USP45: variants seen among roughly 807,000 people sequenced by gnomAD.
USP45 encodes ubiquitin carboxyl-terminal hydrolase 45.
USP45 carries 89 observed loss-of-function variants against 95.8 expected under a neutral mutation model. That is an observed-to-expected ratio of 0.93 (90% CI 0.78 to 1.11). The LOEUF (loss-of-function observed/expected upper bound fraction) is 1.11. Ranked by LOEUF, USP45 falls within the 50% of genes least tolerant of loss-of-function variation. USP45 has a pLI of 0.00. For missense variants in USP45, 898 were observed against 942.5 expected (o/e 0.95, Z 0.62); for synonymous variants, 281 against 316.2 (o/e 0.89, Z 1.18).
chr6:99,469,487 T>TATATAATATATATATATA (rs1491589320), intron 9 of USP45, among the ~76,000 whole-genome samples: 1 of 3,888 alleles, frequency 2.6e-4, no homozygotes, highest in Non-Finnish European at 4.3e-4. Context: ...TATATATATA[T>TATATAATATATATATATA]TTTTTTTTTT....
At chr6:99,452,268 G>A (rs532907237) in intron 13 of USP45, among the ~76,000 whole-genome samples, 2 of 152,178 alleles carry the variant, frequency 1.3e-5, no homozygotes, top group South Asian at 2.1e-4. Flanking sequence ...AGAAAATTTT[G>A]CAACCTACTC....
At chr6:99,501,848 G>A in intron 5 of USP45, 2 of 1,181,160 alleles carry the variant, frequency 1.7e-6, no homozygotes, top group Non-Finnish European at 2.2e-6. Context: ...CAGGTTCCTG[G>A]GAAGTACCCT....
intron 13 of USP45, among the ~76,000 whole-genome samples, chr6:99,457,382 G>A (rs547106818): frequency 1.3e-4 from 20 of 152,168 alleles, no homozygotes; most frequent in African/African-American, 3.9e-4. Flanking sequence ...TCCCCTGGAC[G>A]CCCAGCTTTA....
At chr6:99,477,002 A>G (rs538639544) in intron 8 of USP45, among the ~76,000 whole-genome samples, 3 of 152,334 alleles carry the variant, frequency 2.0e-5, no homozygotes, top group Admixed American at 2.0e-4. Context: ...CTATGCTAAA[A>G]TGAACATTTT....
intron 5 of USP45, among the ~76,000 whole-genome samples, chr6:99,494,218 TTACTC>T (rs1164347589): frequency 6.6e-6 from 1 of 152,196 alleles, no homozygotes; most frequent in Non-Finnish European, 1.5e-5. Flanking sequence ...GCAATTTAAT[TTACTC>T]TACTTATCAC....
chr6:99,509,645 A>T (rs1799332124), intron 2 of USP45, among the ~76,000 whole-genome samples: 1 of 149,660 alleles, frequency 6.7e-6, no homozygotes, highest in Non-Finnish European at 1.5e-5. Flanking sequence ...TGAGAAAGAG[A>T]CCAAAAAAAA....
At chr6:99,458,800 G>A (rs1410080642) in intron 13 of USP45, among the ~76,000 whole-genome samples, 2 of 152,186 alleles carry the variant, frequency 1.3e-5, no homozygotes, top group Non-Finnish European at 2.9e-5. Context: ...GCTACAGGAG[G>A]AGAATGGGAC....
At chr6:99,485,778 A>C (rs185545798) in intron 7 of USP45, among the ~76,000 whole-genome samples, 403 of 152,374 alleles carry the variant, frequency 2.6e-3, no homozygotes, top group Non-Finnish European at 4.6e-3. Context: ...AGCAGCATAT[A>C]AGCATATCAT....
At chr6:99,501,193 C>T (rs186251442) in intron 5 of USP45, among the ~76,000 whole-genome samples, 1 of 151,462 alleles carries the variant, frequency 6.6e-6, no homozygotes, top group Non-Finnish European at 1.5e-5. Context: ...CCTGCCCCCC[C>T]ACAATCACCT....
At chr6:99,494,196 TAAA>T (rs1258683466) in intron 5 of USP45, among the ~76,000 whole-genome samples, 1 of 152,156 alleles carries the variant, frequency 6.6e-6, no homozygotes, top group East Asian at 1.9e-4. Context: ...TCAAAACTAA[TAAA>T]AAATAAAAGC....
chr6:99,463,826 A>G (rs1787181679), intron 13 of USP45, among the ~76,000 whole-genome samples: 2 of 143,140 alleles, frequency 1.4e-5, no homozygotes, highest in African/African-American at 5.2e-5. Context: ...AAAAAAAAAA[A>G]AAGAGGCACT....
chr6:99,503,980 T>G, intron 4 of USP45, 115 bp from the exon 5 acceptor site: 198 of 554,088 alleles, frequency 3.6e-4, no homozygotes, highest in Non-Finnish European at 4.6e-4. Context: ...TGGGAGGGAA[T>G]ACAAAGGGGA....
chr6:99,500,136 C>CT (rs1272102548), intron 5 of USP45, among the ~76,000 whole-genome samples: 23 of 151,738 alleles, frequency 1.5e-4, no homozygotes, highest in Admixed American at 1.1e-3. Flanking sequence ...GTCTTTTTTT[C>CT]TTTTTTTTGA....
At chr6:99,453,913 T>C (rs1562325083) in intron 13 of USP45, among the ~76,000 whole-genome samples, 1 of 152,082 alleles carries the variant, frequency 6.6e-6, no homozygotes, top group Non-Finnish European at 1.5e-5. Context: ...TGAGCTGACA[T>C]TGCACCTCTG....
intron 5 of USP45, among the ~76,000 whole-genome samples, chr6:99,496,890 G>A (rs1044850214): frequency 6.6e-6 from 1 of 151,848 alleles, no homozygotes. Flanking sequence ...CCACCAGAAT[G>A]CTTCATTTAT....
intron 13 of USP45, among the ~76,000 whole-genome samples, chr6:99,448,132 G>T (rs185537722): frequency 6.6e-6 from 1 of 152,164 alleles, no homozygotes; most frequent in African/African-American, 2.4e-5. Flanking sequence ...AAATCAGAGC[G>T]CCTCTCCCCT....
chr6:99,435,805 G>A lies in USP45; in HGVS notation c.2356C>T (p.His786Tyr), dbSNP rs746847692. The A allele has an allele frequency of 6.2e-7, 1 of 1,613,544 alleles. No homozygotes were observed. Among genetic ancestry groups the A allele is most frequent in the Admixed American group, 1.7e-5 (1 of 59,978 alleles). ...ADNESAGQWV[H>Y]VSDTYLQVVP... ...ACCTGTAAGTAAGTGTCACTAACATGGACCCACTGGCCTGCTGATTCATTA... is the reference window on the plus strand; with the variant it reads ...ACCTGTAAGTAAGTGTCACTAACATAGACCCACTGGCCTGCTGATTCATTA... The change falls in exon 18 of 18, where the codon CAT (histidine) becomes TAT (tyrosine). Residue 786 changes from histidine (H) to tyrosine (Y), a missense_variant. By Grantham distance (83) the His-to-Tyr change is moderately conservative (BLOSUM62 2). Coordinates refer to ENST00000500704, the MANE Select transcript of USP45 (RefSeq NM_001346022.3).
At chr6:99,488,992 T>C (rs150628359) in intron 5 of USP45, among the ~76,000 whole-genome samples, 172 bp from the exon 6 acceptor site, 109 of 152,316 alleles carry the variant, frequency 7.2e-4, no homozygotes, top group African/African-American at 2.5e-3. Context: ...ATTTTATTGC[T>C]AGAGGAATTA....
At chr6:99,515,853 C>T (rs1168104020), upstream of USP45, among the ~76,000 whole-genome samples, 1 of 147,378 alleles carries the variant, frequency 6.8e-6, no homozygotes, top group Non-Finnish European at 1.5e-5. Context: ...CGGCTCACTG[C>T]AACCTCCGCC....
Sources: gnomAD v4.1 joint callset for allele counts (sites outside exome capture counted in the v4.1 genomes callset) on GRCh38, gnomAD v4.1.1 for gene constraint, MANE v1.5 for transcripts, NCBI Gene and HGNC (gene_info 2026-07-23, HGNC 2026-07-21) for gene names.